RAB31: variants seen among roughly 807,000 people sequenced by gnomAD.
RAB31 encodes the protein RAB31, member RAS oncogene family.
Under a neutral mutation model 25.6 loss-of-function variants are expected in RAB31, and 21 were observed. That is an observed-to-expected ratio of 0.82 (90% CI 0.58 to 1.18). The LOEUF is 1.18. Ranked by LOEUF, RAB31 falls within the 50% of genes most tolerant of loss-of-function variation. RAB31 has a pLI of 0.00. For missense variants in RAB31, 196 were observed against 250.1 expected (o/e 0.78, Z 1.46); for synonymous variants, 87 against 84.0 (o/e 1.04, Z -0.20).
At chr18:9,827,517 C>T (rs2068655825) in intron 5 of RAB31, among the ~76,000 whole-genome samples, 1 of 151,952 alleles carries the variant, frequency 6.6e-6, no homozygotes. Flanking sequence ...AGGAGATGCT[C>T]AGGGGCTGTT....
chr18:9,822,939 T>C (rs368684523), intron 5 of RAB31, among the ~76,000 whole-genome samples: 20 of 152,202 alleles, frequency 1.3e-4, no homozygotes, highest in African/African-American at 4.3e-4. Flanking sequence ...TGAAAACTTA[T>C]GTTCACACAA....
rs570361821 is a variant in RAB31, at chr18:9,712,451, G to A, written c.39+4007G>A. On this transcript the variant is annotated intron_variant, in intron 1 of 6. Transcript: ENST00000578921. ...GACCCCATGAGTTTCCTTCTTACCAGGAAAGTGTCATTCGTCCCACTTTGT... is the reference window on the plus strand; with the variant it reads ...GACCCCATGAGTTTCCTTCTTACCAAGAAAGTGTCATTCGTCCCACTTTGT... 1.2e-3 allele frequency among the ~76,000 whole-genome samples: 183 copies of A among 152,338 alleles called. 1 individual carries two copies. Among genetic ancestry groups the A allele is most frequent in the South Asian group, 1.7e-3 (8 of 4,830 alleles).
At chr18:9,832,210 C>T (rs2068682103) in intron 5 of RAB31, among the ~76,000 whole-genome samples, 1 of 152,172 alleles carries the variant, frequency 6.6e-6, no homozygotes, top group Admixed American at 6.5e-5. Flanking sequence ...CAAGATGCAG[C>T]CAGCACCCCA....
At chr18:9,852,868 G>C (rs1048349146) in intron 6 of RAB31, among the ~76,000 whole-genome samples, 1 of 152,186 alleles carries the variant, frequency 6.6e-6, no homozygotes, top group Non-Finnish European at 1.5e-5. Context: ...GGGAGTTCCA[G>C]TTGCTCCAAG....
Position 9,833,375 on chromosome 18 carries a change from C to T in RAB31, c.381-12207C>T, listed in dbSNP as rs552442612. On this transcript the variant is annotated intron_variant, in intron 5 of 6. Coordinates refer to ENST00000578921, the MANE Select transcript of RAB31 (RefSeq NM_006868.4). ...AGGGGGACCATGGGACGACAGGGCC[C>T]CCAGAAGGGAGGCAGGTCACAATGT... 7.9e-5 allele frequency among the ~76,000 whole-genome samples: 12 copies of T among 152,242 alleles called. No homozygotes were observed. The South Asian group carries it at 1.5e-3, about 18-fold the overall frequency.
In RAB31 at chr18:9,770,852, CTT is replaced by C. The variant is rs34745235; in HGVS notation, c.40-4408_40-4407del. ...GTACTTGTGAGTTCTAGAAATTTGA[CTT>C]TTTTTTTTTTTTTTTTTGAGAAATT... On this transcript the variant is annotated intron_variant, in intron 1 of 6. Coordinates refer to ENST00000578921, the MANE Select transcript of RAB31 (RefSeq NM_006868.4). Among the ~76,000 whole-genome samples the C allele has an allele frequency of 2.3e-3, 299 of 128,502 alleles. 1 individual carries two copies. The highest frequency in any genetic ancestry group is 0.01 in the East Asian group (45 of 4,496). The allele number at this position is 128,502 out of a possible 152,430, so 84.3% of individuals were successfully genotyped here. A position where few individuals can be genotyped will look rare whatever the true frequency, so the allele number is the denominator to read the frequency against.
chr18:9,814,289 A>T (rs2068590263), intron 4 of RAB31, among the ~76,000 whole-genome samples, 198 bp downstream of exon 4: 1 of 152,226 alleles, frequency 6.6e-6, no homozygotes, highest in Admixed American at 6.5e-5. Context: ...CTTAAAATTG[A>T]CTGTAGAGGC....
At chr18:9,771,708 C>T (rs577472560) in intron 1 of RAB31, among the ~76,000 whole-genome samples, 37 of 152,296 alleles carry the variant, frequency 2.4e-4, no homozygotes, top group African/African-American at 8.2e-4. Flanking sequence ...CCCTGGAGGT[C>T]GGGAACTGCA....
intron 5 of RAB31, among the ~76,000 whole-genome samples, chr18:9,825,608 G>C (rs2068645984): frequency 6.6e-6 from 1 of 152,162 alleles, no homozygotes. Context: ...TTTTACAAGT[G>C]GTCCAAGGGT....
chr18:9,745,265 G>T (rs923038931), intron 1 of RAB31, among the ~76,000 whole-genome samples: 23 of 151,874 alleles, frequency 1.5e-4, no homozygotes, highest in African/African-American at 5.1e-4. Flanking sequence ...GAAACAGAAA[G>T]TCTGAATAGA....
chr18:9,827,908 T>C (rs1443531585), intron 5 of RAB31, among the ~76,000 whole-genome samples: 4 of 152,126 alleles, frequency 2.6e-5, no homozygotes, highest in African/African-American at 9.7e-5. Context: ...TGATGAGCAA[T>C]GTAAGACTGT....
At chr18:9,824,903 A>G (rs2068642571) in intron 5 of RAB31, among the ~76,000 whole-genome samples, 1 of 152,218 alleles carries the variant, frequency 6.6e-6, no homozygotes, top group African/African-American at 2.4e-5. Flanking sequence ...AGCAAAGTGG[A>G]ATGTGAGAAG....
At chr18:9,800,354 A>G (rs1416766813) in intron 3 of RAB31, among the ~76,000 whole-genome samples, 1 of 152,106 alleles carries the variant, frequency 6.6e-6, no homozygotes, top group East Asian at 1.9e-4. Context: ...ATACTTTTAC[A>G]CAGTTCATGA....
chr18:9,756,894 G>C (rs753504465), intron 1 of RAB31, among the ~76,000 whole-genome samples: 4 of 152,290 alleles, frequency 2.6e-5, no homozygotes, highest in East Asian at 3.9e-4. Context: ...ACTCCCTAAC[G>C]AAGTAACTGA....
intron 5 of RAB31, among the ~76,000 whole-genome samples, chr18:9,839,202 T>C (rs1004599865): frequency 9.9e-5 from 15 of 151,962 alleles, no homozygotes; most frequent in African/African-American, 3.1e-4. Flanking sequence ...CAGACTGAGC[T>C]CTCTAGGAGG....
chr18:9,716,977 T>C (rs941150446), intron 1 of RAB31, among the ~76,000 whole-genome samples: 12 of 151,150 alleles, frequency 7.9e-5, no homozygotes, highest in African/African-American at 2.9e-4. Flanking sequence ...TCCAGGCTAG[T>C]CTTGAATTCA....
chr18:9,809,558 G>T (rs1342530240), intron 3 of RAB31, among the ~76,000 whole-genome samples: 1 of 152,100 alleles, frequency 6.6e-6, no homozygotes, highest in African/African-American at 2.4e-5. Context: ...CCTCCACGTG[G>T]CCTGGTGTTC....
chr18:9,772,623 G>T (rs1947705068), intron 1 of RAB31, among the ~76,000 whole-genome samples: 1 of 152,226 alleles, frequency 6.6e-6, no homozygotes, highest in East Asian at 1.9e-4. Context: ...GAATGGAATA[G>T]CCCTGAGAAG....
intron 5 of RAB31, among the ~76,000 whole-genome samples, chr18:9,838,716 G>A (rs2068717307): frequency 6.6e-6 from 1 of 152,226 alleles, no homozygotes; most frequent in Non-Finnish European, 1.5e-5. Flanking sequence ...CCCCTGCTGA[G>A]AAGCCTCTGA....
Sources: allele counts gnomAD v4.1 joint callset (sites outside exome capture counted in the v4.1 genomes callset), GRCh38; gene constraint gnomAD v4.1.1; transcripts MANE v1.5; gene names NCBI Gene and HGNC (gene_info 2026-07-23, HGNC 2026-07-21).